GADL1: variants seen among roughly 807,000 people sequenced by gnomAD.
GADL1 encodes the protein acidic amino acid decarboxylase GADL1.
GADL1 carries 71 observed loss-of-function variants against 69.5 expected under a neutral mutation model. That is an observed-to-expected ratio of 1.02 (90% CI 0.84 to 1.25). The LOEUF is 1.25. Ranked by LOEUF, GADL1 falls within the 50% of genes most tolerant of loss-of-function variation. The pLI, the probability that GADL1 is intolerant of heterozygous loss-of-function variation, is 0.00. For missense variants in GADL1, 737 were observed against 631.8 expected (o/e 1.17, Z -1.79); for synonymous variants, 254 against 214.4 (o/e 1.18, Z -1.62).
chr3:30,865,597 G>C (rs1315996303), intron 1 of GADL1, among the ~76,000 whole-genome samples: 1 of 151,964 alleles, frequency 6.6e-6, no homozygotes, highest in East Asian at 1.9e-4. Context: ...CCTTTGGCTG[G>C]GGATGCAATA....
At chr3:30,754,158 G>C (rs930533551) in intron 14 of GADL1, among the ~76,000 whole-genome samples, 3 of 152,194 alleles carry the variant, frequency 2.0e-5, no homozygotes, top group African/African-American at 7.2e-5. Flanking sequence ...AAATAGACAA[G>C]GTTGTGGATT....
At chr3:30,797,438 GT>G (rs1697059928) in intron 12 of GADL1, among the ~76,000 whole-genome samples, 1 of 152,156 alleles carries the variant, frequency 6.6e-6, no homozygotes, top group African/African-American at 2.4e-5. Flanking sequence ...TAAATAGCAT[GT>G]AGGACATCCC....
At chr3:30,838,465 A>G (rs555305763) in intron 9 of GADL1, among the ~76,000 whole-genome samples, 3 of 152,232 alleles carry the variant, frequency 2.0e-5, no homozygotes, top group African/African-American at 7.2e-5. Flanking sequence ...TCAAATAACT[A>G]TCTGATAGAT....
chr3:30,761,243 A>C (rs145841442), intron 14 of GADL1, among the ~76,000 whole-genome samples: 1 of 140,028 alleles, frequency 7.1e-6, no homozygotes, highest in East Asian at 2.1e-4. Flanking sequence ...CGTGGATAGC[A>C]ATGAGAATTC....
At position 30,770,369 on chromosome 3, in the gene GADL1, C is replaced by T. The variant is rs143784969; in HGVS notation, c.1392+7810G>A. 5.9e-3 allele frequency among the ~76,000 whole-genome samples: 901 copies of T among 152,274 alleles called. 7 individuals carry two copies. Among genetic ancestry groups the T allele is most frequent in the Non-Finnish European group, 9.3e-3 (632 of 68,024 alleles). Reference sequence around the variant, plus strand: ...TTCACGTAGACCTTACACGAACAGACGCTAAAGAAACAGACTTAAATGATA... The same window carrying T: ...TTCACGTAGACCTTACACGAACAGATGCTAAAGAAACAGACTTAAATGATA... On this transcript the variant is annotated intron_variant, in intron 14 of 14. Transcript: ENST00000282538.
At chr3:30,783,040 A>T (rs1168932507) in intron 13 of GADL1, among the ~76,000 whole-genome samples, 2 of 152,232 alleles carry the variant, frequency 1.3e-5, no homozygotes, top group African/African-American at 4.8e-5. Context: ...AAGAGGAATG[A>T]ACTAGTGAAT....
chr3:30,785,001 C>T (rs915107426), intron 13 of GADL1, among the ~76,000 whole-genome samples: 1 of 152,324 alleles, frequency 6.6e-6, no homozygotes, highest in South Asian at 2.1e-4. Flanking sequence ...CCTCAAACAT[C>T]CGCATGGCTT....
At chr3:30,797,766 T>TTAAAAAAAAC in intron 12 of GADL1, 1 of 152,162 alleles carries the variant, frequency 6.6e-6, no homozygotes, top group African/African-American at 2.4e-5. Flanking sequence ...CCATGTGGGA[T>TTAAAAAAAAC]TGAGAGCATT....
chr3:30,751,293 T>C (rs1695808446), intron 14 of GADL1, among the ~76,000 whole-genome samples: 1 of 152,092 alleles, frequency 6.6e-6, no homozygotes, highest in Admixed American at 6.6e-5. Context: ...GCCAATTCTT[T>C]TGGCTTTATA....
rs545362617 is a variant in GADL1, at chr3:30,848,852, G to A, written c.651+1144C>T. ...AAACTCACTAATCAGCAACTACTGC[G>A]TGGTTGCTGGATTGTTCTAATGGTT... On this transcript the variant is annotated intron_variant, in intron 6 of 14. Coordinates refer to ENST00000282538, the MANE Select transcript of GADL1 (RefSeq NM_207359.3). Among the ~76,000 whole-genome samples the A allele has an allele frequency of 5.3e-5, 8 of 152,242 alleles. No individual in the cohort carries two copies. In the South Asian group the frequency reaches 8.3e-4, roughly 16 times the overall value.
At chr3:30,793,273 G>T (rs1252580152) in intron 12 of GADL1, among the ~76,000 whole-genome samples, 1 of 152,020 alleles carries the variant, frequency 6.6e-6, no homozygotes, top group East Asian at 1.9e-4. Context: ...ATGTGTTGTT[G>T]GAAGGAAAGC....
chr3:30,729,671 GATCTGTTCCAAAGCTGATGAAAAA>G, intron 14 of GADL1, among the ~76,000 whole-genome samples: 1 of 152,238 alleles, frequency 6.6e-6, no homozygotes, highest in South Asian at 2.1e-4. Context: ...ACACAATCTT[GATCTGTTCCAAAGCTGATGAAAAA>G]ATTGGGTGTT....
At chr3:30,739,401 A>C (rs1559483607) in intron 14 of GADL1, among the ~76,000 whole-genome samples, 1 of 152,004 alleles carries the variant, frequency 6.6e-6, no homozygotes, top group Admixed American at 6.6e-5. Context: ...GCACCCATGC[A>C]CCTGTATCTT....
At chr3:30,757,198 GCC>G (rs1194562280) in intron 14 of GADL1, among the ~76,000 whole-genome samples, 3 of 152,046 alleles carry the variant, frequency 2.0e-5, no homozygotes, top group African/African-American at 4.8e-5. Flanking sequence ...ATAAGAAATG[GCC>G]TCCTGGACCT....
chr3:30,819,470 ATCAGCCTTTGCTCAGAGTAAAC>A (rs941913873), intron 11 of GADL1, among the ~76,000 whole-genome samples: 5 of 152,132 alleles, frequency 3.3e-5, no homozygotes, highest in African/African-American at 9.7e-5. Context: ...ACTTTCATAA[ATCAGCCTTTGCTCAGAGTAAAC>A]TCAGCCTTTG....
In GADL1 at chr3:30,844,612, T is replaced by G. The variant is rs927783904; in HGVS notation, c.652-146A>C. The G allele has an allele frequency of 1.1e-5, 7 of 634,236 alleles. No homozygotes were observed. In the Admixed American group the frequency reaches 1.9e-4, roughly 17 times the overall value. The allele number at this position is 634,236 out of a possible 1,614,324, so 39.3% of individuals were successfully genotyped here. A position where few individuals can be genotyped will look rare whatever the true frequency, so the allele number is the denominator to read the frequency against. ...TAAAAAAGTAATTTAATTGAGCTCCTTAGCATAGTGGTTGAGAACATTCAC... is the reference window on the plus strand; with the variant it reads ...TAAAAAAGTAATTTAATTGAGCTCCGTAGCATAGTGGTTGAGAACATTCAC... On this transcript the variant is annotated intron_variant, in intron 6 of 14. Transcript: ENST00000282538.
chr3:30,885,896 C>G (rs1003335738), intron 1 of GADL1, among the ~76,000 whole-genome samples: 10 of 152,040 alleles, frequency 6.6e-5, no homozygotes, highest in African/African-American at 2.2e-4. Context: ...CATGAGCCAC[C>G]GTGCCCAGCC....
intron 14 of GADL1, among the ~76,000 whole-genome samples, chr3:30,750,119 GA>G (rs945605353): frequency 7.9e-5 from 12 of 152,244 alleles, no homozygotes; most frequent in African/African-American, 2.9e-4. Flanking sequence ...AAGTAAATTA[GA>G]AAATACTGCA....
chr3:30,763,934 A>G (rs927615835), intron 14 of GADL1, among the ~76,000 whole-genome samples: 2 of 152,146 alleles, frequency 1.3e-5, no homozygotes, highest in Admixed American at 1.3e-4. Flanking sequence ...TTCTCTTGAT[A>G]ATAAAAAGGA....
Sources: gnomAD v4.1 joint callset for allele counts (sites outside exome capture counted in the v4.1 genomes callset) on GRCh38, gnomAD v4.1.1 for gene constraint, MANE v1.5 for transcripts, NCBI Gene and HGNC (gene_info 2026-07-23, HGNC 2026-07-21) for gene names.